KIF1B: variants seen among roughly 807,000 people sequenced by gnomAD.
KIF1B encodes kinesin-like protein KIF1B.
Under a neutral mutation model 241.9 loss-of-function variants are expected in KIF1B, and 76 were observed. The ratio of observed to expected loss-of-function variants is 0.31; its 90% CI spans 0.26 to 0.38. The LOEUF is 0.38. Among genes scored for constraint, KIF1B ranks in the 10% least tolerant of loss-of-function variants. The pLI is 1.00. For missense variants in KIF1B, 1,622 were observed against 2,271.4 expected (o/e 0.71, Z 5.81); for synonymous variants, 750 against 796.7 (o/e 0.94, Z 0.99).
intron 22 of KIF1B, chr1:10,307,002 C>T (rs1650863913): frequency 9.6e-7 from 1 of 1,041,754 alleles, no homozygotes; most frequent in Non-Finnish European, 1.2e-6. Context: ...GTGGTAAGGA[C>T]TATGTCCACA....
chr1:10,238,818 G>A (rs1436764030), intron 2 of KIF1B, among the ~76,000 whole-genome samples: 1 of 152,126 alleles, frequency 6.6e-6, no homozygotes, highest in Admixed American at 6.5e-5. Context: ...GAAAATAAAT[G>A]TAAATGCATG....
intron 38 of KIF1B, among the ~76,000 whole-genome samples, chr1:10,360,715 G>A (rs1351876437): frequency 2.6e-5 from 4 of 151,320 alleles, no homozygotes; most frequent in Non-Finnish European, 5.9e-5. Context: ...ACAACTAAGT[G>A]TTCCTTAATG....
In KIF1B at chr1:10,310,161, A is replaced by G. The variant is rs562794872; in HGVS notation, c.2116-9882A>G. ...ATCTGTCTTATTCACTTCGCCAGTC[A>G]TATAAATCCATAACCTGGAAGAGTG... On this transcript the variant is annotated intron_variant, in intron 22 of 48. Coordinates refer to ENST00000676179, the MANE Select transcript of KIF1B (RefSeq NM_001365951.3). Among the ~76,000 whole-genome samples the G allele has an allele frequency of 2.0e-3, 311 of 151,840 alleles. 13 individuals are homozygous for G. Among genetic ancestry groups the G allele is most frequent in the African/African-American group, 7.2e-3 (296 of 41,084 alleles).
At position 10,340,707 on chromosome 1, in the gene KIF1B, G is replaced by A. The variant is rs139047418; in HGVS notation, c.3513+848G>A. Among the ~76,000 whole-genome samples, 269 of 152,208 alleles carry A rather than the reference G, an allele frequency of 1.8e-3. 1 individual carries two copies. The highest frequency in any genetic ancestry group is 5.0e-3 in the African/African-American group (209 of 41,530). ...ACGAGAATTGCTTGAACCCAGGATG[G>A]GGGGGTTGCAGTGAGTTGAGATTGT... On this transcript the variant is annotated intron_variant, in intron 32 of 48. Coordinates refer to ENST00000676179, the MANE Select transcript of KIF1B (RefSeq NM_001365951.3).
At chr1:10,305,266 A>ATTTTAGAAAAAACCATTAT (rs1650771910) in intron 22 of KIF1B, 1 of 1,041,642 alleles carries the variant, frequency 9.6e-7, no homozygotes, top group African/African-American at 1.7e-5. Context: ...TTTATTCTGT[A>ATTTTAGAAAAAACCATTAT]TTTTACAAAA....
intron 2 of KIF1B, among the ~76,000 whole-genome samples, chr1:10,239,045 C>CT (rs1647097656): frequency 6.6e-6 from 1 of 152,028 alleles, no homozygotes; most frequent in Non-Finnish European, 1.5e-5. Flanking sequence ...CCCTCCCTGG[C>CT]TGAAGCAGTG....
At chr1:10,230,032 G>A (rs114988256) in intron 1 of KIF1B, among the ~76,000 whole-genome samples, 2,617 of 152,146 alleles carry the variant, frequency 0.017, 86 homozygotes, top group African/African-American at 0.06. Flanking sequence ...AATATTAGTT[G>A]GGTGTGTTGG....
intron 1 of KIF1B, among the ~76,000 whole-genome samples, chr1:10,225,765 A>C (rs1014600401): frequency 3.9e-5 from 6 of 152,212 alleles, no homozygotes; most frequent in Non-Finnish European, 8.8e-5. Context: ...GCTGGAAGGC[A>C]GTGTTCATGT....
intron 27 of KIF1B, among the ~76,000 whole-genome samples, chr1:10,331,904 A>G (rs1177920886): frequency 6.6e-6 from 1 of 152,220 alleles, no homozygotes; most frequent in Non-Finnish European, 1.5e-5. Context: ...TAAAGAAGAA[A>G]ATACAAATGT....
intron 44 of KIF1B, among the ~76,000 whole-genome samples, chr1:10,370,643 A>AAATAATAATTATAAT (rs1638706333): frequency 6.8e-6 from 1 of 147,974 alleles, no homozygotes; most frequent in Non-Finnish European, 1.5e-5. Context: ...TCGAGAAAGA[A>AAATAATAATTATAAT]AATAATAATA....
rs1200234268 is a variant in KIF1B at position 10,210,728 on chromosome 1, G to GGCT, written c.-224_-222dup. On this transcript the variant is annotated 5_prime_UTR_variant, in exon 1 of 49. Transcript: ENST00000676179. This position sits in a 1 kb window ranked among gnomAD's most constrained non-coding sequence, Gnocchi z 4.1. ...CACCTCCCACCTCGATGCGGTGCCG[G>GGCT]GCTGCTGCGTGATGGGGCTGCGGAG... 1 of 150,790 alleles carries GGCT rather than the reference G, an allele frequency of 6.6e-6. No homozygotes were observed. Among genetic ancestry groups the GGCT allele is most frequent in the Non-Finnish European group, 1.5e-5 (1 of 67,656 alleles). The allele number at this position is 150,790 out of a possible 1,614,324, so 9.3% of individuals were successfully genotyped here. A position where few individuals can be genotyped will look rare whatever the true frequency, so the allele number is the denominator to read the frequency against.
In KIF1B at chr1:10,371,358, C is replaced by T. The variant is rs978172518; in HGVS notation, c.4946+96C>T. 8 of 1,432,772 alleles carry T rather than the reference C, an allele frequency of 5.6e-6. No individual in the cohort carries two copies. The African/African-American group carries it at 9.9e-5, about 18-fold the overall frequency. 88.8% of individuals were successfully genotyped at this position (1,432,772 alleles called of 1,614,324 possible). On this transcript the variant is annotated intron_variant, in intron 45 of 48. Coordinates refer to ENST00000676179, the MANE Select transcript of KIF1B (RefSeq NM_001365951.3). Reference sequence around the variant, plus strand: ...AATGGTTCTTGACTGAAGGCAGCACCTTCTCCCTAGGCAGCATTTGGAAAT... The same window carrying T: ...AATGGTTCTTGACTGAAGGCAGCACTTTCTCCCTAGGCAGCATTTGGAAAT...
At chr1:10,212,934 A>ACG (rs1168236507) in intron 1 of KIF1B, among the ~76,000 whole-genome samples, 2 of 88,690 alleles carry the variant, frequency 2.3e-5, no homozygotes, top group African/African-American at 1.5e-4. Flanking sequence ...ATATATATAC[A>ACG]CACACACATT....
intron 2 of KIF1B, 42 bp downstream of exon 2, chr1:10,232,476 C>T: frequency 7.2e-7 from 1 of 1,391,556 alleles, no homozygotes; most frequent in Non-Finnish European, 1.0e-6. Context: ...ATCTTACTTT[C>T]CTTTCTTCTT....
chr1:10,235,721 G>A (rs1647041139), intron 2 of KIF1B, among the ~76,000 whole-genome samples: 1 of 152,048 alleles, frequency 6.6e-6, no homozygotes, highest in Non-Finnish European at 1.5e-5. Context: ...AATTAGCTGG[G>A]CGTGGTGGAG....
Position 10,282,186 on chromosome 1 carries a change from G to T in KIF1B, c.1223-136G>T, listed in dbSNP as rs990102184. ...TCTAGAACAGTTGTAACCTGTGTTT[G>T]TATTATAGCGTGTCTTGGTCTTGGC... On this transcript the variant is annotated intron_variant, in intron 14 of 48. Coordinates refer to ENST00000676179, the MANE Select transcript of KIF1B (RefSeq NM_001365951.3). 3.3e-5 allele frequency: 22 copies of T among 675,446 alleles called. No homozygotes were observed. The highest frequency in any genetic ancestry group is 5.4e-5 in the Non-Finnish European group (21 of 390,510). 41.8% of individuals were successfully genotyped at this position (675,446 alleles called of 1,614,324 possible).
chr1:10,304,510 T>C, intron 22 of KIF1B: 2 of 1,613,312 alleles, frequency 1.2e-6, no homozygotes, highest in African/African-American at 1.3e-5. Flanking sequence ...TGGAGGTCAG[T>C]TAGAGGGCAA....
At chr1:10,373,431 C>T (rs538097895) in intron 45 of KIF1B, among the ~76,000 whole-genome samples, 10 of 150,238 alleles carry the variant, frequency 6.7e-5, no homozygotes, top group East Asian at 2.0e-4. Flanking sequence ...GACGGGGTTT[C>T]GCCATGTTGG....
rs2102232709 is a variant in KIF1B at position 10,282,422 on chromosome 1, A to T, written c.1323A>T (p.Ser441=). Residue 441 remains serine (S), a synonymous_variant, in exon 15 of 49, where the codon TCA becomes TCT. Transcript: ENST00000676179. ...FSTASMGSLT[S]SPSSCSLSSQ... ...CAGCATCCATGGGGTCCCTCACTTC[A>T]TCCCCATCTTCCTGCTCACTCAGTA... is the stretch of plus-strand genomic sequence containing the variant. The T allele has an allele frequency of 6.2e-7, 1 of 1,614,104 alleles. No homozygotes were observed. Among genetic ancestry groups the T allele is most frequent in the East Asian group, 2.2e-5 (1 of 44,882 alleles).
Sources: allele counts gnomAD v4.1 joint callset (sites outside exome capture counted in the v4.1 genomes callset), GRCh38; gene constraint gnomAD v4.1.1; non-coding constraint Gnocchi (gnomAD v3.1); transcripts MANE v1.5; gene names NCBI Gene and HGNC (gene_info 2026-07-23, HGNC 2026-07-21).